Variants in ASAP2 observed in about 807,000 individuals in gnomAD.
The protein encoded by ASAP2 is ArfGAP with SH3 domain, ankyrin repeat and PH domain 2.
A neutral mutation model predicts 131.4 loss-of-function variants in ASAP2; 45 were observed. The ratio of observed to expected loss-of-function variants is 0.34; its 90% CI spans 0.27 to 0.44. The LOEUF is 0.44. ASAP2 is among the 20% of genes least tolerant of loss of function. The pLI is 1.00. For synonymous variants in ASAP2, 510 were observed against 503.0 expected (o/e 1.01, Z -0.19); for missense variants, 1,011 against 1,297.0 (o/e 0.78, Z 3.39).
At chr2:9,343,331 T>G (rs1344870667) in intron 9 of ASAP2, among the ~76,000 whole-genome samples, 1 of 152,192 alleles carries the variant, frequency 6.6e-6, no homozygotes, top group African/African-American at 2.4e-5. Flanking sequence ...TGTGAACACT[T>G]GGTTCACATC....
At chr2:9,300,078 C>A (rs1668388043) in intron 3 of ASAP2, among the ~76,000 whole-genome samples, 1 of 152,136 alleles carries the variant, frequency 6.6e-6, no homozygotes, top group Admixed American at 6.5e-5. Context: ...CAAAAAAATA[C>A]AAAACTTAGC....
intron 16 of ASAP2, 125 bp downstream of exon 16, chr2:9,368,644 C>T (rs973713419): frequency 1.3e-6 from 1 of 749,504 alleles, no homozygotes; most frequent in Non-Finnish European, 2.2e-6. Context: ...ATAAATCAGC[C>T]TATGTTGGGT....
intron 5 of ASAP2, among the ~76,000 whole-genome samples, chr2:9,321,430 G>C (rs1055955929): frequency 2.0e-5 from 3 of 152,164 alleles, no homozygotes; most frequent in Non-Finnish European, 4.4e-5. Context: ...GGTCCATTCA[G>C]CCCAGGGAGG....
chr2:9,292,548 A>C (rs191576759), intron 2 of ASAP2, among the ~76,000 whole-genome samples: 1 of 152,194 alleles, frequency 6.6e-6, no homozygotes, highest in African/African-American at 2.4e-5. Context: ...AGAAAAACAG[A>C]GAAAGTATTA....
At chr2:9,336,199 G>C (rs1379747256) in intron 9 of ASAP2, among the ~76,000 whole-genome samples, 1 of 152,144 alleles carries the variant, frequency 6.6e-6, no homozygotes, top group Non-Finnish European at 1.5e-5. Flanking sequence ...AGGCTGAAGA[G>C]TTTGCATAAA....
chr2:9,345,848 A>C (rs1386206514), intron 11 of ASAP2, among the ~76,000 whole-genome samples: 2 of 152,188 alleles, frequency 1.3e-5, no homozygotes, highest in Non-Finnish European at 2.9e-5. Context: ...TCATAAGGGA[A>C]TAGAGTAAAA....
chr2:9,352,302 T>C lies in ASAP2; in HGVS notation c.1111+1407T>C, dbSNP rs78423025. ...GTCTAGCTAGCAAAAAAGGCTTGAATTGAAGAGTTTCAGAAAACCTGATGG... is the reference window on the plus strand; with the variant it reads ...GTCTAGCTAGCAAAAAAGGCTTGAACTGAAGAGTTTCAGAAAACCTGATGG... On this transcript the variant is annotated intron_variant, in intron 12 of 27. Transcript: ENST00000281419. 7.7e-3 allele frequency among the ~76,000 whole-genome samples: 1,166 copies of C among 152,174 alleles called. 14 individuals are homozygous for C. The highest frequency in any genetic ancestry group is 0.027 in the African/African-American group (1,111 of 41,470).
rs60869426 is a variant in ASAP2, at chr2:9,302,122, CTTTTTTTTT to C, written c.345+4686_345+4694del. On this transcript the variant is annotated intron_variant, in intron 3 of 27. Transcript: ENST00000281419. ...ACAGGCGTGAGCCACCGCGCCCGGC[CTTTTTTTTT>C]TTTTTTTTCCCAAACACAGATGATG... Among the ~76,000 whole-genome samples, 16 of 103,404 alleles carry C rather than the reference CTTTTTTTTT, an allele frequency of 1.5e-4. No individual in the cohort carries two copies. The East Asian group carries it at 1.7e-3, about 11-fold the overall frequency. 67.8% of individuals were successfully genotyped at this position (103,404 alleles called of 152,430 possible).
rs775310172 is a variant in ASAP2, at chr2:9,400,823, C to T, written c.2816C>T (p.Ser939Leu). The change falls in exon 26 of 28, where the codon TCG becomes TTG. Residue 939 changes from serine to leucine, a missense_variant. This residue lies in a region of ASAP2 where 652 missense variants were observed against 698.9 expected (regional missense o/e 0.93). Transcript: ENST00000281419. ...CCCCCTGCACCCATGCCTAGGAAGT[C>T]GCAGGCAGTAAGTGACGAGCCCCCT... Reference protein sequence around the residue: ...LQPPAPMPRKSQATKLKPKRV... With the variant: ...LQPPAPMPRKLQATKLKPKRV... 1.1e-5 allele frequency: 18 copies of T among 1,613,354 alleles called. No homozygotes were observed. Among genetic ancestry groups the T allele is most frequent in the South Asian group, 5.5e-5 (5 of 91,072 alleles).
At chr2:9,240,342 T>A (rs1268385571) in intron 1 of ASAP2, among the ~76,000 whole-genome samples, 2 of 151,482 alleles carry the variant, frequency 1.3e-5, no homozygotes, top group Non-Finnish European at 2.9e-5. Context: ...CAGCCACCAT[T>A]TCCTGGGCCC....
In ASAP2 at chr2:9,224,875, G is replaced by A. The variant is rs532336493; in HGVS notation, c.126+17645G>A. Among the ~76,000 whole-genome samples, 922 of 152,274 alleles carry A rather than the reference G, an allele frequency of 6.1e-3. 40 individuals carry two copies. The highest frequency in any genetic ancestry group is 1.0e-3 in the Non-Finnish European group (71 of 68,022). On this transcript the variant is annotated intron_variant, in intron 1 of 27. Coordinates refer to ENST00000281419, the MANE Select transcript of ASAP2 (RefSeq NM_003887.3). ...TCTACATCTGGGAAGCACAGTGGTC[G>A]TGCCCACAGCTGTCAGGCTCCTTGC...
chr2:9,287,288 C>T (rs1412364854), intron 2 of ASAP2, among the ~76,000 whole-genome samples: 1 of 152,252 alleles, frequency 6.6e-6, no homozygotes, highest in East Asian at 1.9e-4. Flanking sequence ...TGGTTGATTA[C>T]AGGGTCAGTG....
intron 24 of ASAP2, among the ~76,000 whole-genome samples, chr2:9,396,367 T>G (rs2148814550): frequency 6.6e-6 from 1 of 152,196 alleles, no homozygotes; most frequent in African/African-American, 2.4e-5. Context: ...CTCGACCTCC[T>G]GGGCCCAGGT....
At chr2:9,309,301 A>G (rs927505149) in intron 3 of ASAP2, among the ~76,000 whole-genome samples, 8 of 152,194 alleles carry the variant, frequency 5.3e-5, no homozygotes, top group Admixed American at 2.6e-4. Flanking sequence ...AAAAGAAGTG[A>G]ACTACTGGTA....
intron 15 of ASAP2, among the ~76,000 whole-genome samples, chr2:9,367,374 A>G (rs907347909): frequency 6.6e-6 from 1 of 152,162 alleles, no homozygotes; most frequent in African/African-American, 2.4e-5. Context: ...CACAAGCGTC[A>G]CTGACTCCCC....
Position 9,341,941 on chromosome 2 carries a change from C to T in ASAP2, c.850-2591C>T, listed in dbSNP as rs1331627482. On this transcript the variant is annotated intron_variant, in intron 9 of 27. Coordinates refer to ENST00000281419, the MANE Select transcript of ASAP2 (RefSeq NM_003887.3). ...CTCTGCTTGTTTCAGGGTTGGTTGTCAGTTCAGTAATGGAGAGTGCCTCCG... is the reference window on the plus strand; with the variant it reads ...CTCTGCTTGTTTCAGGGTTGGTTGTTAGTTCAGTAATGGAGAGTGCCTCCG... 2.0e-5 allele frequency among the ~76,000 whole-genome samples: 3 copies of T among 152,138 alleles called. No individual in the cohort carries two copies. The South Asian group carries it at 6.2e-4, about 32-fold the overall frequency.
chr2:9,270,835 C>CA (rs1666322021), intron 1 of ASAP2, among the ~76,000 whole-genome samples: 1 of 129,358 alleles, frequency 7.7e-6, no homozygotes, highest in South Asian at 2.5e-4. Flanking sequence ...CTCCGTCGCC[C>CA]AGGCTGGAGT....
Position 9,281,023 on chromosome 2 carries a change from T to C in ASAP2, c.199+1634T>C, listed in dbSNP as rs899095866. Among the ~76,000 whole-genome samples, 5 of 152,248 alleles carry C rather than the reference T, an allele frequency of 3.3e-5. No individual in the cohort carries two copies. The highest frequency in any genetic ancestry group is 4.4e-5 in the Non-Finnish European group (3 of 68,046). Reference sequence around the variant, plus strand: ...GGCCCACTCTGTTTCAAAGCCACCATGCCTTCAGTGTGTCTGTCACACGGG... The same window carrying C: ...GGCCCACTCTGTTTCAAAGCCACCACGCCTTCAGTGTGTCTGTCACACGGG... On this transcript the variant is annotated intron_variant, in intron 2 of 27. Coordinates refer to ENST00000281419, the MANE Select transcript of ASAP2 (RefSeq NM_003887.3). The surrounding 1 kb of genome is among the most constrained non-coding windows in gnomAD (Gnocchi z 4.0).
chr2:9,313,058 TAAAA>T (rs1242426153), intron 3 of ASAP2, among the ~76,000 whole-genome samples: 10 of 151,932 alleles, frequency 6.6e-5, no homozygotes, highest in African/African-American at 2.4e-4. Context: ...AACTGTGTCT[TAAAA>T]AATAAAAAAA....
Sources: allele counts gnomAD v4.1 joint callset (sites outside exome capture counted in the v4.1 genomes callset), GRCh38; gene constraint gnomAD v4.1.1; regional missense constraint gnomAD v4.1.1; non-coding constraint Gnocchi (gnomAD v3.1); transcripts MANE v1.5; gene names NCBI Gene and HGNC (gene_info 2026-07-23, HGNC 2026-07-21).